The following PRR16 variants were observed in gnomAD, a reference collection of about 807,000 sequenced individuals.
PRR16 encodes the protein protein Largen.
PRR16 carries 6 observed loss-of-function variants against 18.2 expected under a neutral mutation model. The ratio of observed to expected loss-of-function variants is 0.33; its 90% CI spans 0.18 to 0.65. PRR16 has a LOEUF of 0.65. PRR16 is among the 30% of genes least tolerant of loss of function. The pLI is 0.74. For missense variants in PRR16, 412 were observed against 376.6 expected (o/e 1.09, Z -0.78); for synonymous variants, 151 against 147.8 (o/e 1.02, Z -0.16).
the PRR16 span, among the ~76,000 whole-genome samples, chr5:120,784,269 T>A: frequency 3.3e-5 from 5 of 152,200 alleles, no homozygotes; most frequent in Admixed American, 6.5e-5. Context: ...CTGTTAGTTT[T>A]TTGAGGATTC....
intron 1 of PRR16, among the ~76,000 whole-genome samples, chr5:120,505,291 T>C (rs143977441): frequency 7.1e-4 from 108 of 152,330 alleles, no homozygotes; most frequent in African/African-American, 2.5e-3. Flanking sequence ...CTAATGCATT[T>C]GGTTATTAAA....
chr5:120,716,018 T>C, the PRR16 span, among the ~76,000 whole-genome samples: 2 of 152,156 alleles, frequency 1.3e-5, no homozygotes, highest in African/African-American at 2.4e-5. Flanking sequence ...CCAATATGTC[T>C]CATCTGCATT....
At chr5:120,565,541 C>T (rs1752710430) in intron 1 of PRR16, among the ~76,000 whole-genome samples, 1 of 152,162 alleles carries the variant, frequency 6.6e-6, no homozygotes, top group Non-Finnish European at 1.5e-5. Flanking sequence ...ATTTCTAATT[C>T]ATCAAAAGGT....
chr5:120,748,289 A>C, the PRR16 span, among the ~76,000 whole-genome samples: 1 of 152,144 alleles, frequency 6.6e-6, no homozygotes, highest in African/African-American at 2.4e-5. Flanking sequence ...GTTAATATCT[A>C]TCTCTTTCAG....
the PRR16 span, among the ~76,000 whole-genome samples, chr5:120,770,921 G>A: frequency 1.2e-5 from 1 of 84,842 alleles, no homozygotes; most frequent in Non-Finnish European, 2.3e-5. Flanking sequence ...TTGACTCATT[G>A]GAACACTCTC....
At chr5:120,609,987 C>T (rs1270399562) in intron 1 of PRR16, among the ~76,000 whole-genome samples, 5 of 152,152 alleles carry the variant, frequency 3.3e-5, no homozygotes, top group African/African-American at 4.8e-5. Context: ...TAAATAAGGA[C>T]GTTTATCTCC....
chr5:120,737,102 T>A, the PRR16 span, among the ~76,000 whole-genome samples: 52 of 152,296 alleles, frequency 3.4e-4, no homozygotes, highest in East Asian at 5.2e-3. Context: ...GGATTCCTTT[T>A]ACTTTTTTTC....
At chr5:120,563,110 A>G (rs1483266812) in intron 1 of PRR16, among the ~76,000 whole-genome samples, 1 of 151,974 alleles carries the variant, frequency 6.6e-6, no homozygotes, top group African/African-American at 2.4e-5. Flanking sequence ...GAAGGTCTTT[A>G]TTTCTTCTTC....
chr5:120,670,572 G>C (rs1039541383), intron 1 of PRR16, among the ~76,000 whole-genome samples: 2 of 152,046 alleles, frequency 1.3e-5, no homozygotes, highest in Non-Finnish European at 2.9e-5. Flanking sequence ...CACGTATTCT[G>C]GATGATTAAA....
chr5:120,538,846 C>T (rs905500074), intron 1 of PRR16, among the ~76,000 whole-genome samples: 31 of 152,306 alleles, frequency 2.0e-4, no homozygotes, highest in African/African-American at 7.5e-4. Flanking sequence ...GTAGGTTGAG[C>T]ATGTGCAGCC....
At chr5:120,606,706 A>G (rs1041805349) in intron 1 of PRR16, among the ~76,000 whole-genome samples, 2 of 152,088 alleles carry the variant, frequency 1.3e-5, no homozygotes, top group African/African-American at 4.8e-5. Context: ...AGTTAGAGTC[A>G]AGCTTGGGCA....
At chr5:120,757,058 C>A in the PRR16 span, among the ~76,000 whole-genome samples, 1 of 152,094 alleles carries the variant, frequency 6.6e-6, no homozygotes, top group African/African-American at 2.4e-5. Flanking sequence ...TATACCAGCA[C>A]AATTTATTGA....
chr5:120,761,623 A>T, the PRR16 span, among the ~76,000 whole-genome samples: 1 of 152,134 alleles, frequency 6.6e-6, no homozygotes, highest in Non-Finnish European at 1.5e-5. Context: ...TGTACATACT[A>T]ATGTGGTACA....
intron 1 of PRR16, among the ~76,000 whole-genome samples, chr5:120,520,757 A>C (rs1039511464): frequency 6.6e-6 from 1 of 152,166 alleles, no homozygotes; most frequent in Non-Finnish European, 1.5e-5. Context: ...AAAATGTGTG[A>C]GTTAAAATGG....
chr5:120,730,314 G>C, the PRR16 span, among the ~76,000 whole-genome samples: 2 of 152,116 alleles, frequency 1.3e-5, no homozygotes, highest in African/African-American at 4.8e-5. Flanking sequence ...GGAAAACAGA[G>C]ACACACATGG....
chr5:120,731,358 A>G, the PRR16 span, among the ~76,000 whole-genome samples: 2 of 152,178 alleles, frequency 1.3e-5, no homozygotes, highest in African/African-American at 4.8e-5. Context: ...TGGGAGCTTC[A>G]ATTCCAATAA....
At chr5:120,759,703 A>G in the PRR16 span, among the ~76,000 whole-genome samples, 1 of 152,164 alleles carries the variant, frequency 6.6e-6, no homozygotes, top group South Asian at 2.1e-4. Context: ...AAAGTTTTGG[A>G]GATCACAAAG....
the PRR16 span, among the ~76,000 whole-genome samples, chr5:120,746,423 A>T: frequency 2.9e-5 from 1 of 34,828 alleles, no homozygotes. Flanking sequence ...TTACAAGAGG[A>T]ACTCAGAGAT....
chr5:120,739,278 T>C, the PRR16 span, among the ~76,000 whole-genome samples: 1 of 152,262 alleles, frequency 6.6e-6, no homozygotes, highest in East Asian at 1.9e-4. Context: ...ATAAAAAAAT[T>C]TGTAATGCTG....
Sources: gnomAD v4.1 joint callset for allele counts (sites outside exome capture counted in the v4.1 genomes callset) on GRCh38, gnomAD v4.1.1 for gene constraint, MANE v1.5 for transcripts, NCBI Gene and HGNC (gene_info 2026-07-23, HGNC 2026-07-21) for gene names.